The following NAV1 variants were observed in gnomAD, a reference collection of about 807,000 sequenced individuals.
NAV1 encodes the protein neuron navigator 1.
NAV1 carries 18 observed loss-of-function variants against 175.2 expected under a neutral mutation model. The observed-to-expected ratio is 0.10, with a 90% CI of 0.07 to 0.15. NAV1 has a LOEUF of 0.15. Among genes scored for constraint, NAV1 ranks in the 10% least tolerant of loss-of-function variants. NAV1 has a pLI of 1.00. For synonymous variants in NAV1, 897 were observed against 978.7 expected (o/e 0.92, Z 1.56); for missense variants, 1,731 against 2,436.6 (o/e 0.71, Z 6.10).
At chr1:201,568,249 G>A (rs1294151876) in intron 1 of NAV1, among the ~76,000 whole-genome samples, 1 of 152,134 alleles carries the variant, frequency 6.6e-6, no homozygotes, top group Non-Finnish European at 1.5e-5. Context: ...AGTCTTGTGG[G>A]CAGCTCTTCT....
chr1:201,605,561 T>C (rs1667651255), intron 2 of NAV1, among the ~76,000 whole-genome samples: 1 of 152,134 alleles, frequency 6.6e-6, no homozygotes, highest in South Asian at 2.1e-4. Flanking sequence ...ATAGAGGCAT[T>C]CATGTGAGGG....
Position 201,808,860 on chromosome 1 carries a change from T to C in NAV1, c.4196T>C (p.Leu1399Pro). The change falls in exon 20 of 30, where the codon CTT becomes CCT. Residue 1399 changes from leucine to proline, a missense_variant. Physicochemically the swap from Leu to Pro is moderately conservative, Grantham distance 98 (BLOSUM62 -3). Around this residue, in one of 13 missense-constraint regions of NAV1, gnomAD observed 122 missense variants for 139.4 expected, o/e 0.88. Coordinates refer to ENST00000367296, the Ensembl canonical transcript of NAV1. This position sits in a 1 kb window ranked among gnomAD's most constrained non-coding sequence, Gnocchi z 5.5. ...CTCACCCATTCCTTCGGCCCCAGTC[T>C]TGCAGACACAGGTACCTGTGTGGGA... 4 of 1,611,916 alleles carry C rather than the reference T, an allele frequency of 2.5e-6. No homozygotes were observed. Among genetic ancestry groups the C allele is most frequent in the Non-Finnish European group, 3.4e-6 (4 of 1,178,772 alleles).
intron 3 of NAV1, among the ~76,000 whole-genome samples, chr1:201,726,631 A>G (rs1672616100): frequency 6.8e-6 from 1 of 147,614 alleles, no homozygotes; most frequent in African/African-American, 2.5e-5. Flanking sequence ...CTGGGCAACA[A>G]GAGCAAAACT....
At chr1:201,821,501 AACAGACACACACACACACAC>A (rs1228747694) in exon 30 of NAV1, 2 of 121,280 alleles carry the variant, frequency 1.6e-5, no homozygotes, top group Non-Finnish European at 3.3e-5. Flanking sequence ...ATTAGGTTAA[AACAGACACACACACACACAC>A]ACACACACAC....
exon 1 of NAV1, chr1:201,648,908 G>T (rs758286753): frequency 1.9e-6 from 3 of 1,612,602 alleles, no homozygotes; most frequent in African/African-American, 1.3e-5. Context: ...CCGGCGGGCC[G>T]CCCGCCTCCA....
chr1:201,756,844 CTTTCTTTCTTTCTTTCTTTCTTTCTT>C (rs1674523724), intron 3 of NAV1, among the ~76,000 whole-genome samples: 1 of 126,174 alleles, frequency 7.9e-6, no homozygotes. Context: ...TTCTTTCTTT[CTTTCTTTCTTTCTTTCTTTCTTTCTT>C]TCTTTCTTTC....
intron 2 of NAV1, among the ~76,000 whole-genome samples, chr1:201,597,624 T>C (rs1252208912): frequency 6.6e-6 from 1 of 152,142 alleles, no homozygotes; most frequent in Non-Finnish European, 1.5e-5. Context: ...TCCCACAGGC[T>C]GCAGAGCCCC....
chr1:201,648,332 G>A (rs1359160800), exon 1 of NAV1: 1 of 1,167,042 alleles, frequency 8.6e-7, no homozygotes, highest in Non-Finnish European at 1.1e-6. Context: ...GGAGCCGCGG[G>A]GCTTCCATCC....
intron 2 of NAV1, among the ~76,000 whole-genome samples, chr1:201,596,432 T>C (rs569290666): frequency 2.6e-5 from 4 of 152,230 alleles, no homozygotes; most frequent in Non-Finnish European, 5.9e-5. Context: ...GGGAGCTTGG[T>C]CAAGCCAGTC....
chr1:201,539,619 C>T lies in NAV1; in HGVS notation c.-144+277C>T, dbSNP rs944641487. Among the ~76,000 whole-genome samples the T allele has an allele frequency of 1.4e-4, 21 of 152,168 alleles. No homozygotes were observed. Among genetic ancestry groups the T allele is most frequent in the African/African-American group, 4.8e-4 (20 of 41,448 alleles). ...TAGAGTTGACTCTCCGGGGGGGCTG[C>T]CTAACTTCAGTCCCTCTGAGCCTCA... On this transcript the variant is annotated intron_variant, in intron 1 of 33. Coordinates refer to the NAV1 transcript ENST00000685211. The surrounding 1 kb of genome is among the most constrained non-coding windows in gnomAD (Gnocchi z 5.6).
intron 3 of NAV1, among the ~76,000 whole-genome samples, chr1:201,746,073 C>T (rs767592838): frequency 4.1e-4 from 63 of 152,232 alleles, no homozygotes; most frequent in Non-Finnish European, 6.8e-4. Context: ...AGCAATCCAC[C>T]CACCTCAGCC....
chr1:201,615,456 G>A (rs960200129), intron 2 of NAV1, among the ~76,000 whole-genome samples: 6 of 151,876 alleles, frequency 4.0e-5, no homozygotes, highest in Non-Finnish European at 5.9e-5. Flanking sequence ...GTAGAGATGG[G>A]GTTTCACCAT....
chr1:201,629,530 C>A (rs1032335836), intron 2 of NAV1, 23 bp downstream of exon 4: 1 of 1,295,966 alleles, frequency 7.7e-7, no homozygotes, highest in Non-Finnish European at 1.0e-6. Flanking sequence ...GGGGAGACTT[C>A]CTCCTAGGGT....
chr1:201,794,111 C>T, intron 14 of NAV1: 1 of 686,048 alleles, frequency 1.5e-6, no homozygotes, highest in South Asian at 1.5e-5. Flanking sequence ...TTGCCTGACA[C>T]ATCATAAGGG....
chr1:201,707,548 C>T (rs1671721251), intron 1 of NAV1, among the ~76,000 whole-genome samples: 1 of 152,208 alleles, frequency 6.6e-6, no homozygotes, highest in South Asian at 2.1e-4. Flanking sequence ...AATCTAAGGA[C>T]TATGTTCTTG....
intron 2 of NAV1, among the ~76,000 whole-genome samples, chr1:201,614,264 T>C (rs1284854031): frequency 1.3e-5 from 2 of 152,164 alleles, no homozygotes; most frequent in Non-Finnish European, 2.9e-5. Context: ...CTTTTCGAAA[T>C]GGGTATATTC....
In NAV1 at chr1:201,732,344, A is replaced by AT. The variant is rs981793321; in HGVS notation, c.1226+13597dup. ...TTTTAAAATACACACTAATTTTTGTATTTTTTTTAATTTTGGTAGAGGCAG... is the reference window on the plus strand; with the variant it reads ...TTTTAAAATACACACTAATTTTTGTATTTTTTTTTAATTTTGGTAGAGGCAG... On this transcript the variant is annotated intron_variant, in intron 3 of 29. Coordinates refer to ENST00000367296, the Ensembl canonical transcript of NAV1. 5.9e-5 allele frequency among the ~76,000 whole-genome samples: 9 copies of AT among 152,032 alleles called. No homozygotes were observed. The South Asian group carries it at 1.0e-3, about 18-fold the overall frequency.
chr1:201,774,203 G>C (rs987337725), intron 3 of NAV1, among the ~76,000 whole-genome samples: 9 of 152,318 alleles, frequency 5.9e-5, no homozygotes, highest in East Asian at 1.9e-4. Context: ...GCAAAATCCA[G>C]CTTAGAGTGA....
Position 201,740,128 on chromosome 1 carries a change from G to T in NAV1, c.1226+21373G>T. 7.2e-7 allele frequency: 1 copy of T among 1,388,542 alleles called. No homozygotes were observed. Among genetic ancestry groups the T allele is most frequent in the East Asian group, 3.0e-5 (1 of 33,604 alleles). 86.0% of individuals were successfully genotyped at this position (1,388,542 alleles called of 1,614,324 possible). A position where few individuals can be genotyped will look rare whatever the true frequency, so the allele number is the denominator to read the frequency against. ...ACCGCCAGACCGCAGAGCTGGGGTCGGGTTTGTGGCACCCCCAGCCCCGCC... is the reference window on the plus strand; with the variant it reads ...ACCGCCAGACCGCAGAGCTGGGGTCTGGTTTGTGGCACCCCCAGCCCCGCC... On this transcript the variant is annotated intron_variant, in intron 3 of 29. Transcript: ENST00000367296. The surrounding 1 kb of genome is among the most constrained non-coding windows in gnomAD (Gnocchi z 4.7).
Sources: gnomAD v4.1 joint callset for allele counts (sites outside exome capture counted in the v4.1 genomes callset) on GRCh38, gnomAD v4.1.1 for gene constraint, gnomAD v4.1.1 regional missense constraint, Gnocchi (gnomAD v3.1) non-coding constraint, MANE v1.5 for transcripts, NCBI Gene and HGNC (gene_info 2026-07-23, HGNC 2026-07-21) for gene names.